TENM1: variants seen among roughly 807,000 people sequenced by gnomAD.
TENM1 encodes teneurin-1.
In TENM1, 35 loss-of-function variants were observed where a neutral mutation model predicts 174.8. The ratio of observed to expected loss-of-function variants is 0.20; its 90% CI spans 0.15 to 0.27. The LOEUF (loss-of-function observed/expected upper bound fraction) is 0.27. Ranked by LOEUF, TENM1 falls within the 10% of genes least tolerant of loss-of-function variation. The pLI, the probability that TENM1 is intolerant of heterozygous loss-of-function variation, is 1.00. For synonymous variants in TENM1, 781 were observed against 798.7 expected (o/e 0.98, Z 0.37); for missense variants, 1,633 against 2,130.1 (o/e 0.77, Z 4.59).
At chrX:124,471,351 T>TACTATATATTATATATAGTACTATA (rs2061316934) in intron 22 of TENM1, among the ~76,000 whole-genome samples, 2 of 10,104 alleles carry the variant, frequency 2.0e-4, no homozygotes, top group African/African-American at 6.9e-4. Context: ...ATAATATATA[T>TACTATATATTATATATAGTACTATA]TATAATATAT....
At chrX:124,814,783 C>T (rs954078072) in intron 3 of TENM1, among the ~76,000 whole-genome samples, 1 of 111,431 alleles carries the variant, frequency 9.0e-6, no homozygotes, top group African/African-American at 3.3e-5. Flanking sequence ...AAGGGAGGGG[C>T]AGGATATGAT....
the TENM1 span, among the ~76,000 whole-genome samples, chrX:125,146,931 A>G: frequency 1.1e-4 from 12 of 111,178 alleles, no homozygotes; most frequent in South Asian, 2.6e-3. Flanking sequence ...TTTACTTAAC[A>G]GAGATTCATT....
the TENM1 span, among the ~76,000 whole-genome samples, chrX:125,117,335 A>C: frequency 6.2e-5 from 7 of 112,199 alleles, no homozygotes; most frequent in East Asian, 1.4e-3. Context: ...GATAAAGAAA[A>C]TGTGGCACAT....
chrX:124,670,374 AAGGTAAGGGAGAAAAAGC>A, intron 6 of TENM1, among the ~76,000 whole-genome samples: 1 of 110,805 alleles, frequency 9.0e-6, no homozygotes, highest in African/African-American at 3.3e-5. Context: ...AGCAGAAGAG[AAGGTAAGGGAGAAAAAGC>A]AGGTAAGGGA....
intron 11 of TENM1, among the ~76,000 whole-genome samples, chrX:124,580,417 CACATATACATATATACACAT>C (rs2049274280): frequency 9.7e-6 from 1 of 102,806 alleles, no homozygotes; most frequent in Non-Finnish European, 2.0e-5. Flanking sequence ...TGTATATATA[CACATATACATATATACACAT>C]ACATATAGAT....
chrX:124,477,629 G>A (rs1005663382), intron 22 of TENM1, among the ~76,000 whole-genome samples: 7 of 110,382 alleles, frequency 6.3e-5, no homozygotes, highest in Admixed American at 1.9e-4. Context: ...GCCCCTTCCT[G>A]TAATCCCAGC....
Position 124,546,528 on chromosome X carries a change from A to G in TENM1, c.2651+346T>C, listed in dbSNP as rs780479181. ...TGGAAACATTTTTCATCATGAAATA[A>G]AACTTAAAATTTAGTTTTTGAAATT... On this transcript the variant is annotated intron_variant, in intron 15 of 31. Transcript: ENST00000422452. Among the ~76,000 whole-genome samples, 5 of 111,994 alleles carry G rather than the reference A, an allele frequency of 4.5e-5. No homozygotes were observed. The East Asian group carries it at 1.4e-3, about 31-fold the overall frequency.
intron 3 of TENM1, among the ~76,000 whole-genome samples, chrX:124,741,466 C>T (rs1432010382): frequency 9.0e-6 from 1 of 111,072 alleles, no homozygotes; most frequent in East Asian, 2.8e-4. Context: ...CAAAATCACA[C>T]CTAACCAAAG....
chrX:124,891,897 T>G (rs766284422), intron 3 of TENM1, among the ~76,000 whole-genome samples: 20 of 111,493 alleles, frequency 1.8e-4, no homozygotes, highest in Non-Finnish European at 2.6e-4. Context: ...TAGTGCCTAC[T>G]GTGCTCTAGG....
chrX:124,445,915 T>A (rs2060960528), intron 23 of TENM1, among the ~76,000 whole-genome samples: 1 of 112,168 alleles, frequency 8.9e-6, no homozygotes, highest in South Asian at 3.7e-4. Flanking sequence ...TCAACTCATC[T>A]CCTGAAGTGA....
chrX:124,671,893 G>A (rs2051932901), intron 5 of TENM1, 58 bp from the exon 9 acceptor site: 1 of 1,142,903 alleles, frequency 8.7e-7, no homozygotes, highest in Non-Finnish European at 1.2e-6. Context: ...ACATCTCCAA[G>A]CCAGGTATCC....
intron 22 of TENM1, among the ~76,000 whole-genome samples, chrX:124,478,054 T>C (rs2046771003): frequency 8.9e-6 from 1 of 112,312 alleles, no homozygotes; most frequent in Admixed American, 9.5e-5. Context: ...CAGTAGGCAC[T>C]GAACAAGTTA....
intron 25 of TENM1, among the ~76,000 whole-genome samples, chrX:124,410,016 C>G (rs2060514821): frequency 9.1e-6 from 1 of 109,426 alleles, no homozygotes; most frequent in Admixed American, 9.7e-5. Flanking sequence ...TTGGAAAAAA[C>G]TACTTTAAAG....
At chrX:124,419,331 G>T (rs2147737104) in intron 25 of TENM1, among the ~76,000 whole-genome samples, 1 of 111,736 alleles carries the variant, frequency 8.9e-6, no homozygotes, top group East Asian at 2.8e-4. Flanking sequence ...AGTCACACTT[G>T]GAACCCCTTA....
the TENM1 span, among the ~76,000 whole-genome samples, chrX:125,023,787 T>A: frequency 9.0e-6 from 1 of 111,549 alleles, no homozygotes; most frequent in Non-Finnish European, 1.9e-5. Flanking sequence ...CATTAAAATA[T>A]TCTTAACATC....
At chrX:124,676,749 G>A (rs886138869) in intron 5 of TENM1, among the ~76,000 whole-genome samples, 2 of 107,706 alleles carry the variant, frequency 1.9e-5, no homozygotes, top group African/African-American at 6.7e-5. Context: ...TTCTTTCTGC[G>A]TACTGTTAGA....
chrX:124,781,591 T>G (rs2054913684), intron 3 of TENM1, among the ~76,000 whole-genome samples: 1 of 111,623 alleles, frequency 9.0e-6, no homozygotes, highest in African/African-American at 3.3e-5. Context: ...TATCATGATA[T>G]AGAGTAATCA....
chrX:125,135,386 T>G, the TENM1 span, among the ~76,000 whole-genome samples: 16 of 111,983 alleles, frequency 1.4e-4, 1 homozygote, highest in East Asian at 4.5e-3. Context: ...AGAAATTGGA[T>G]AGGAAGTTTA....
intron 3 of TENM1, among the ~76,000 whole-genome samples, chrX:124,778,222 G>T (rs755344727): frequency 8.9e-6 from 1 of 112,812 alleles, no homozygotes; most frequent in South Asian, 3.6e-4. Context: ...CTGGGAGGAC[G>T]AGGTGGAGCC....
Sources: gnomAD v4.1 joint callset for allele counts (sites outside exome capture counted in the v4.1 genomes callset) on GRCh38, gnomAD v4.1.1 for gene constraint, MANE v1.5 for transcripts, NCBI Gene and HGNC (gene_info 2026-07-23, HGNC 2026-07-21) for gene names.